CHCHD6: variants seen among roughly 807,000 people sequenced by gnomAD.
The protein encoded by CHCHD6 is coiled-coil-helix-coiled-coil-helix domain containing 6, also known as MICOS complex subunit MIC25.
A neutral mutation model predicts 32.3 loss-of-function variants in CHCHD6; 28 were observed. That is an observed-to-expected ratio of 0.87 (90% CI 0.64 to 1.19). CHCHD6 has a LOEUF of 1.19. Ranked by LOEUF, CHCHD6 falls within the 50% of genes most tolerant of loss-of-function variation. CHCHD6 has a pLI of 0.00. For synonymous variants in CHCHD6, 122 were observed against 117.5 expected (o/e 1.04, Z -0.25); for missense variants, 333 against 307.0 (o/e 1.08, Z -0.63).
intron 4 of CHCHD6, among the ~76,000 whole-genome samples, chr3:126,747,271 C>T (rs747999553): frequency 2.0e-5 from 3 of 152,156 alleles, no homozygotes; most frequent in East Asian, 1.9e-4. Flanking sequence ...TTTGTAATTG[C>T]GTGTGACTTT....
At chr3:126,902,934 C>G (rs530899587) in intron 5 of CHCHD6, among the ~76,000 whole-genome samples, 1 of 152,204 alleles carries the variant, frequency 6.6e-6, no homozygotes, top group South Asian at 2.1e-4. Flanking sequence ...AGTAGCAAGG[C>G]TATATAGTGC....
At chr3:126,806,761 C>T (rs149393242) in intron 4 of CHCHD6, among the ~76,000 whole-genome samples, 1,862 of 152,010 alleles carry the variant, frequency 0.012, 32 homozygotes, top group African/African-American at 0.04. Flanking sequence ...ATGTTTATTG[C>T]GGCACTATTC....
chr3:126,863,672 C>A (rs1422778859), intron 5 of CHCHD6, among the ~76,000 whole-genome samples: 5 of 141,274 alleles, frequency 3.5e-5, no homozygotes, highest in East Asian at 2.3e-4. Context: ...TCCACCATCA[C>A]CACCTCCTCC....
intron 5 of CHCHD6, among the ~76,000 whole-genome samples, chr3:126,862,438 TCCA>T (rs1559887402): frequency 2.0e-5 from 2 of 100,388 alleles, no homozygotes; most frequent in African/African-American, 3.9e-5. Flanking sequence ...CTCCTCCTCC[TCCA>T]CCATCACCAC....
At chr3:126,746,342 T>G (rs1936502987) in intron 4 of CHCHD6, among the ~76,000 whole-genome samples, 1 of 152,160 alleles carries the variant, frequency 6.6e-6, no homozygotes, top group African/African-American at 2.4e-5. Context: ...CTCCCTGCTC[T>G]CTCTCCTCTT....
chr3:126,759,604 G>A (rs1376726046), intron 4 of CHCHD6, among the ~76,000 whole-genome samples: 1 of 152,118 alleles, frequency 6.6e-6, no homozygotes, highest in Non-Finnish European at 1.5e-5. Flanking sequence ...GGATTTTTCT[G>A]ATCTTTTCCT....
intron 6 of CHCHD6, among the ~76,000 whole-genome samples, chr3:126,928,752 A>G (rs2078360045): frequency 6.6e-6 from 1 of 152,128 alleles, no homozygotes; most frequent in Non-Finnish European, 1.5e-5. Context: ...CATCATTCCC[A>G]CTGTCCCCAC....
chr3:126,862,482 T>C (rs867808871), intron 5 of CHCHD6, among the ~76,000 whole-genome samples: 752 of 5,818 alleles, frequency 0.13, no homozygotes, highest in Admixed American at 0.15. Context: ...CCTCCTCCTC[T>C]TCCTCCACCA....
At chr3:126,822,050 G>A (rs1940176555) in intron 4 of CHCHD6, among the ~76,000 whole-genome samples, 1 of 152,088 alleles carries the variant, frequency 6.6e-6, no homozygotes, top group African/African-American at 2.4e-5. Context: ...GAAGCACAAA[G>A]GTTTTTAATT....
chr3:126,820,217 T>G (rs1940090190), intron 4 of CHCHD6, among the ~76,000 whole-genome samples: 1 of 152,246 alleles, frequency 6.6e-6, no homozygotes, highest in Non-Finnish European at 1.5e-5. Flanking sequence ...TCTTTTAATA[T>G]GTATTTTATT....
chr3:126,907,988 G>A (rs1264751559), intron 5 of CHCHD6, among the ~76,000 whole-genome samples: 2 of 152,144 alleles, frequency 1.3e-5, no homozygotes, highest in South Asian at 2.1e-4. Context: ...AGTAGGACCC[G>A]TTGCCTTGCT....
At chr3:126,745,940 T>C (rs1375437712) in intron 4 of CHCHD6, among the ~76,000 whole-genome samples, 1 of 152,180 alleles carries the variant, frequency 6.6e-6, no homozygotes, top group Non-Finnish European at 1.5e-5. Flanking sequence ...GGGTGTGTTC[T>C]TAGCAGAGTC....
chr3:126,770,624 A>G (rs1937526295), intron 4 of CHCHD6, among the ~76,000 whole-genome samples: 1 of 152,226 alleles, frequency 6.6e-6, no homozygotes, highest in Non-Finnish European at 1.5e-5. Flanking sequence ...GGGTTGAACC[A>G]CATTTATTGA....
chr3:126,854,275 G>C lies in CHCHD6; in HGVS notation c.495+1545G>C, dbSNP rs139396139. ...TCGAGGTTTCCTAGATGATTGTGAA[G>C]AGTTATTAAATGCTTCCAGAAGGAG... is the stretch of plus-strand genomic sequence containing the variant. On this transcript the variant is annotated intron_variant, in intron 5 of 7. Coordinates refer to ENST00000290913, the MANE Select transcript of CHCHD6 (RefSeq NM_032343.3). Among the ~76,000 whole-genome samples, 34 of 152,242 alleles carry C rather than the reference G, an allele frequency of 2.2e-4. 1 individual carries two copies. Among genetic ancestry groups the C allele is most frequent in the African/African-American group, 7.9e-4 (33 of 41,538 alleles).
At chr3:126,712,595 C>T (rs929899335) in intron 1 of CHCHD6, among the ~76,000 whole-genome samples, 2 of 152,154 alleles carry the variant, frequency 1.3e-5, no homozygotes, top group African/African-American at 4.8e-5. Context: ...TGCCTTTTCC[C>T]TCTATTGGAA....
At chr3:126,836,285 C>T (rs1177041826) in intron 4 of CHCHD6, among the ~76,000 whole-genome samples, 1 of 152,162 alleles carries the variant, frequency 6.6e-6, no homozygotes, top group Non-Finnish European at 1.5e-5. Context: ...CATGTTTGTT[C>T]CCACTCAGAG....
At chr3:126,922,110 T>C (rs1324972689) in intron 6 of CHCHD6, among the ~76,000 whole-genome samples, 1 of 152,228 alleles carries the variant, frequency 6.6e-6, no homozygotes, top group Non-Finnish European at 1.5e-5. Context: ...TTTGAGAAGT[T>C]AACAAATCAA....
intron 4 of CHCHD6, chr3:126,767,288 A>G (rs1240130888): frequency 1.0e-5 from 12 of 1,195,386 alleles, no homozygotes; most frequent in Non-Finnish European, 1.1e-5. Context: ...CAGCTGCCCC[A>G]TCTTGTTCTC....
At chr3:126,788,054 A>C (rs1272546963) in intron 4 of CHCHD6, among the ~76,000 whole-genome samples, 1 of 152,156 alleles carries the variant, frequency 6.6e-6, no homozygotes, top group Non-Finnish European at 1.5e-5. Context: ...AATTTTGTCA[A>C]AGGCCTTTTC....
Sources: allele counts gnomAD v4.1 joint callset (sites outside exome capture counted in the v4.1 genomes callset), GRCh38; gene constraint gnomAD v4.1.1; transcripts MANE v1.5; gene names NCBI Gene and HGNC (gene_info 2026-07-23, HGNC 2026-07-21).